RFC3: variants seen among roughly 807,000 people sequenced by gnomAD.
The protein encoded by RFC3 is A1 38 kDa subunit.
A neutral mutation model predicts 45.1 loss-of-function variants in RFC3; 41 were observed. That is an observed-to-expected ratio of 0.91 (90% confidence interval 0.71 to 1.18). RFC3 has a LOEUF of 1.18. Among genes scored for constraint, RFC3 ranks in the 50% most tolerant of loss-of-function variants. RFC3 has a pLI of 0.00. For missense variants in RFC3, 423 were observed against 428.1 expected, an observed-to-expected ratio of 0.99 and a Z score of 0.10; for synonymous variants, 149 against 144.0, an observed-to-expected ratio of 1.03 and a Z score of -0.25.
chr13:33,864,886 G>A (rs1459687221), intron 8 of RFC3, among the ~76,000 whole-genome samples: 1 of 152,136 alleles, frequency 6.6e-6, no homozygotes, highest in Non-Finnish European at 1.5e-5. Flanking sequence ...AGGAGGAAGG[G>A]GAGTTCTGTC....
chr13:33,953,199 G>A lies in RFC3; in HGVS notation c.880-12888G>A, dbSNP rs891106171. Among the ~76,000 whole-genome samples, 9 of 152,058 alleles carry A rather than the reference G, an allele frequency of 5.9e-5. No individual in the cohort carries two copies. The East Asian group carries it at 9.7e-4, about 16-fold the overall frequency. On this transcript the variant is annotated intron_variant, in intron 8 of 8. Coordinates refer to the RFC3 transcript ENST00000434425. ...TTATTTTAGAATGGATGGATGTTCCGTATTAACCTGTAGGAAGGGTTTGTG... is the reference window on the plus strand; with the variant it reads ...TTATTTTAGAATGGATGGATGTTCCATATTAACCTGTAGGAAGGGTTTGTG...
At chr13:33,913,219 C>A (rs1566025870) in intron 8 of RFC3, among the ~76,000 whole-genome samples, 1 of 152,014 alleles carries the variant, frequency 6.6e-6, no homozygotes, top group Non-Finnish European at 1.5e-5. Context: ...GATCAAATTC[C>A]ACCTAGGAGC....
chr13:33,895,809 A>G (rs1302940686), intron 8 of RFC3, among the ~76,000 whole-genome samples: 1 of 152,180 alleles, frequency 6.6e-6, no homozygotes, highest in Non-Finnish European at 1.5e-5. Flanking sequence ...TGCACACCAT[A>G]GAATACTACA....
At chr13:33,938,834 C>T (rs568184611) in intron 8 of RFC3, among the ~76,000 whole-genome samples, 14 of 152,202 alleles carry the variant, frequency 9.2e-5, no homozygotes, top group African/African-American at 2.9e-4. Flanking sequence ...GTAGCTACAA[C>T]AAAACAGTTT....
At chr13:33,930,094 T>G (rs962954077) in intron 8 of RFC3, among the ~76,000 whole-genome samples, 1 of 152,140 alleles carries the variant, frequency 6.6e-6, no homozygotes, top group Non-Finnish European at 1.5e-5. Flanking sequence ...AGAGACTTAA[T>G]TCTTTCATCT....
At chr13:33,938,228 A>G (rs1275135073) in intron 8 of RFC3, among the ~76,000 whole-genome samples, 1 of 151,454 alleles carries the variant, frequency 6.6e-6, no homozygotes, top group Non-Finnish European at 1.5e-5. Context: ...GAAAATGAAA[A>G]TGACTTCAAA....
chr13:33,946,071 G>T (rs1384402168), intron 8 of RFC3, among the ~76,000 whole-genome samples: 1 of 152,166 alleles, frequency 6.6e-6, no homozygotes, highest in Non-Finnish European at 1.5e-5. Flanking sequence ...TCTCCACTTG[G>T]ATAATCTCAT....
At chr13:33,942,665 T>G (rs1489032555) in intron 8 of RFC3, among the ~76,000 whole-genome samples, 1 of 152,202 alleles carries the variant, frequency 6.6e-6, no homozygotes, top group Non-Finnish European at 1.5e-5. Flanking sequence ...AGGAGCAGAA[T>G]AAATATCAGC....
chr13:33,890,708 A>T lies in RFC3; in HGVS notation c.879+55491A>T, dbSNP rs1028582262. ...CTTACTACAAACTCTTAAGATAGGT[A>T]ATCTTATTGATGATGAAACTGAGAT... On this transcript the variant is annotated intron_variant, in intron 8 of 8. Coordinates refer to the RFC3 transcript ENST00000434425. 6.8e-4 allele frequency among the ~76,000 whole-genome samples: 104 copies of T among 152,282 alleles called. 1 individual carries two copies. Among genetic ancestry groups the T allele is most frequent in the African/African-American group, 2.4e-3 (99 of 41,568 alleles).
downstream of RFC3, among the ~76,000 whole-genome samples, chr13:33,839,649 A>C (rs999667774): frequency 6.6e-6 from 1 of 152,224 alleles, no homozygotes; most frequent in Non-Finnish European, 1.5e-5. Context: ...GAAATCACCC[A>C]ATATCTTCCT....
At chr13:33,961,300 G>A (rs757020355) in intron 8 of RFC3, among the ~76,000 whole-genome samples, 1 of 151,960 alleles carries the variant, frequency 6.6e-6, no homozygotes, top group Non-Finnish European at 1.5e-5. Flanking sequence ...CCATTTCCTC[G>A]TCAAAGCCTC....
rs187348632 is a variant in RFC3, at chr13:33,861,670, G to T, written c.879+26453G>T. 1.3e-3 allele frequency among the ~76,000 whole-genome samples: 194 copies of T among 150,222 alleles called. 1 individual carries two copies. Among genetic ancestry groups the T allele is most frequent in the African/African-American group, 4.5e-3 (183 of 41,012 alleles). ...CAAAAAAAAAAAAAAACGGAAAAAT[G>T]ATCACATTTTTGTGTTTGAAATAGC... is the stretch of plus-strand genomic sequence containing the variant. On this transcript the variant is annotated intron_variant, in intron 8 of 8. Transcript: ENST00000434425.
downstream of RFC3, among the ~76,000 whole-genome samples, chr13:33,966,882 C>T (rs1348885204): frequency 2.0e-5 from 3 of 152,048 alleles, 1 homozygote; most frequent in South Asian, 4.1e-4. Flanking sequence ...AGTGGCCAGG[C>T]GTGGTGGCTC....
chr13:33,922,938 G>T (rs1460695555), intron 8 of RFC3, among the ~76,000 whole-genome samples: 1 of 152,100 alleles, frequency 6.6e-6, no homozygotes, highest in Non-Finnish European at 1.5e-5. Flanking sequence ...TAGTATTGCA[G>T]CTGGCATACA....
rs191731579 is a variant in RFC3, at chr13:33,958,824, A to G, written c.880-7263A>G. ...TCTGCATCTTGGCTGCCCTACCCCC[A>G]TGATTACCTGGCACTTCCCATTTGC... On this transcript the variant is annotated intron_variant, in intron 8 of 8. Coordinates refer to the RFC3 transcript ENST00000434425. 3.5e-3 allele frequency among the ~76,000 whole-genome samples: 534 copies of G among 152,194 alleles called. 3 individuals carry two copies. The highest frequency in any genetic ancestry group is 0.012 in the African/African-American group (503 of 41,534).
intron 8 of RFC3, among the ~76,000 whole-genome samples, chr13:33,879,548 CA>C (rs767806476): frequency 2.0e-5 from 3 of 152,098 alleles, no homozygotes; most frequent in East Asian, 3.8e-4. Context: ...AAAACTAAAA[CA>C]AAAAACTTCC....
intron 8 of RFC3, among the ~76,000 whole-genome samples, chr13:33,868,890 G>A (rs149189683): frequency 9.3e-4 from 141 of 152,320 alleles, no homozygotes; most frequent in African/African-American, 3.2e-3. Flanking sequence ...CTCCTTTCCC[G>A]TGGCCTCTGC....
chr13:33,958,899 A>C (rs1350825933), intron 8 of RFC3, among the ~76,000 whole-genome samples: 1 of 152,218 alleles, frequency 6.6e-6, no homozygotes, highest in Non-Finnish European at 1.5e-5. Flanking sequence ...CCAAGGCCAT[A>C]CTGGCATTCA....
At chr13:33,846,558 G>A (rs1299098814) in intron 8 of RFC3, 5 of 152,156 alleles carry the variant, frequency 3.3e-5, no homozygotes, top group African/African-American at 9.7e-5. Context: ...GCTGCAATTT[G>A]TACTGCCTGG....
Sources: allele counts gnomAD v4.1 joint callset (sites outside exome capture counted in the v4.1 genomes callset), GRCh38; gene constraint gnomAD v4.1.1; transcripts MANE v1.5; gene names NCBI Gene and HGNC (gene_info 2026-07-23, HGNC 2026-07-21).